Variants in COL18A1 observed in about 807,000 individuals in gnomAD.
COL18A1 encodes collagen alpha-1(XVIII) chain.
A neutral mutation model predicts 168.0 loss-of-function variants in COL18A1; 133 were observed. The observed-to-expected ratio is 0.79, with a 90% confidence interval of 0.69 to 0.91. COL18A1 has a LOEUF of 0.91. Ranked by LOEUF, COL18A1 falls within the 40% of genes least tolerant of loss-of-function variation. The probability of loss-of-function intolerance (pLI) is 0.00; values close to 1 mark genes in which losing one functional copy is unlikely to be tolerated. For missense variants in COL18A1, 2,126 were observed against 1,925.4 expected, an observed-to-expected ratio of 1.10 and a Z score of -1.95; for synonymous variants, 949 against 809.0, an observed-to-expected ratio of 1.17 and a Z score of -2.94.
At chr21:45,419,217 G>A (rs749152097) in intron 2 of COL18A1, among the ~76,000 whole-genome samples, 11 of 150,848 alleles carry the variant, frequency 7.3e-5, no homozygotes, top group East Asian at 2.0e-4. Context: ...GTGTGGTGAC[G>A]TGCAGTTCCG....
chr21:45,447,068 C>T (rs746347443), intron 2 of COL18A1, among the ~76,000 whole-genome samples: 2 of 152,170 alleles, frequency 1.3e-5, no homozygotes, highest in Admixed American at 1.3e-4. Context: ...AAGACAAGGA[C>T]GTTCCCTATT....
intron 2 of COL18A1, among the ~76,000 whole-genome samples, chr21:45,429,556 C>T (rs2033898212): frequency 6.6e-6 from 1 of 152,194 alleles, no homozygotes; most frequent in Non-Finnish European, 1.5e-5. Flanking sequence ...TTCCTGTCTC[C>T]TCTTCTCCCC....
At chr21:45,439,316 G>C (rs954778707) in intron 2 of COL18A1, among the ~76,000 whole-genome samples, 5 of 152,228 alleles carry the variant, frequency 3.3e-5, no homozygotes, top group African/African-American at 1.2e-4. Context: ...AGCGCGTTCC[G>C]TTTCGGCTCC....
At chr21:45,455,873 C>A in intron 2 of COL18A1, 1 of 1,613,128 alleles carries the variant, frequency 6.2e-7, no homozygotes. Flanking sequence ...AGCCGAGATC[C>A]TGAACGTGGC....
At chr21:45,504,723 TG>T (rs2037086475) in intron 34 of COL18A1, among the ~76,000 whole-genome samples, 167 bp downstream of exon 34, 1 of 151,932 alleles carries the variant, frequency 6.6e-6, no homozygotes, top group Non-Finnish European at 1.5e-5. Context: ...GCAGGCCACA[TG>T]GGTGTGGGTG....
In COL18A1 at chr21:45,491,224, G is replaced by A; in HGVS notation, c.2068-1G>A. The A allele has an allele frequency of 6.2e-7, 1 of 1,610,912 alleles. No homozygotes were observed. On this transcript the variant is annotated splice_acceptor_variant, in intron 21 of 41. Transcript: ENST00000651438. LOFTEE classifies it high-confidence loss of function. Reference sequence around the variant, plus strand: ...GCCGGACGCGTGGCCTCCTCTTCCAGGGAGATCCAGGGAAGGACGGAGTCG... The same window carrying A: ...GCCGGACGCGTGGCCTCCTCTTCCAAGGAGATCCAGGGAAGGACGGAGTCG...
Position 45,505,451 on chromosome 21 carries a change from G to T in COL18A1, c.3087+20G>T, listed in dbSNP as rs773769675. The T allele has an allele frequency of 7.2e-7, 1 of 1,391,312 alleles. No homozygotes were observed. The highest frequency in any genetic ancestry group is 1.9e-5 in the Admixed American group (1 of 52,272). The allele number at this position is 1,391,312 out of a possible 1,614,324, so 86.2% of individuals were successfully genotyped here. ...TCAGGGGTAAGTGTCTGGGCAGCCG[G>T]CTGGGCACCTGCGTCCCGTGCCCTG... On this transcript the variant is annotated intron_variant, in intron 36 of 41. Coordinates refer to ENST00000651438, the MANE Select transcript of COL18A1 (RefSeq NM_001379500.1).
intron 2 of COL18A1, among the ~76,000 whole-genome samples, chr21:45,466,856 T>C (rs112579742): frequency 0.029 from 4,457 of 152,328 alleles, 235 homozygotes; most frequent in African/African-American, 0.1. Context: ...GGCAGCTGGG[T>C]GGCTGGCACG....
chr21:45,501,530 G>A (rs2036824207), intron 32 of COL18A1, among the ~76,000 whole-genome samples: 1 of 152,164 alleles, frequency 6.6e-6, no homozygotes, highest in African/African-American at 2.4e-5. Flanking sequence ...CAGGAATCCA[G>A]GAGAAGCAGG....
At chr21:45,474,453 A>G (rs78622768) in intron 4 of COL18A1, among the ~76,000 whole-genome samples, 1 of 100,686 alleles carries the variant, frequency 9.9e-6, no homozygotes. Flanking sequence ...CTCTGTGTGT[A>G]GTGTGTCTCT....
At chr21:45,499,720 A>G (rs557577461) in intron 32 of COL18A1, among the ~76,000 whole-genome samples, 37 of 152,320 alleles carry the variant, frequency 2.4e-4, no homozygotes, top group Non-Finnish European at 4.9e-4. Flanking sequence ...TTCTCACTAT[A>G]TTGGACGGTG....
chr21:45,434,184 G>A (rs1387018878), intron 2 of COL18A1, among the ~76,000 whole-genome samples: 1 of 147,574 alleles, frequency 6.8e-6, no homozygotes, highest in East Asian at 2.0e-4. Flanking sequence ...AAACCCAGAG[G>A]CAGTGGCTTC....
chr21:45,503,611 GA>G (rs1428376302), intron 32 of COL18A1, among the ~76,000 whole-genome samples: 1 of 130,862 alleles, frequency 7.6e-6, no homozygotes. Context: ...ACAGGAAGGG[GA>G]ACATCACACT....
intron 2 of COL18A1, among the ~76,000 whole-genome samples, chr21:45,452,534 GTGAT>G (rs1472849435): frequency 6.6e-6 from 1 of 152,190 alleles, no homozygotes; most frequent in Admixed American, 6.5e-5. Flanking sequence ...ATGTACATAT[GTGAT>G]TGTGTATGCA....
rs370000881 is a variant in COL18A1 at position 45,443,273 on chromosome 21, C to T, written c.107-24969C>T. On this transcript the variant is annotated intron_variant, in intron 2 of 41. Coordinates refer to ENST00000651438, the MANE Select transcript of COL18A1 (RefSeq NM_001379500.1). The surrounding 1 kb of genome is among the most constrained non-coding windows in gnomAD (Gnocchi z 5.2). Reference sequence around the variant, plus strand: ...ACCGGCACAAGTGTGGCTGTCACAGCTGGGGTCTGGGTAGGTCTGGCAGCC... The same window carrying T: ...ACCGGCACAAGTGTGGCTGTCACAGTTGGGGTCTGGGTAGGTCTGGCAGCC... 1.6e-3 allele frequency among the ~76,000 whole-genome samples: 251 copies of T among 152,262 alleles called. No homozygotes were observed. The highest frequency in any genetic ancestry group is 5.5e-3 in the African/African-American group (227 of 41,538).
chr21:45,512,257 G>C lies in COL18A1; in HGVS notation c.3879G>C (p.Thr1293=), dbSNP rs575466180. The C allele has an allele frequency of 6.2e-7, 1 of 1,611,966 alleles. No individual in the cohort carries two copies. Among genetic ancestry groups the C allele is most frequent in the South Asian group, 1.1e-5 (1 of 90,988 alleles). Residue 1293 remains threonine (T), a synonymous_variant, in exon 42 of 42, where the codon ACG becomes ACC. Transcript: ENST00000651438. ...GGCTGACCGAGAGCTACTGTGAGAC[G>C]TGGCGGACGGAGGCTCCCTCGGCCA... ...GRRLTESYCE[T]WRTEAPSATG...
chr21:45,464,050 G>A, intron 2 of COL18A1, among the ~76,000 whole-genome samples: 1 of 152,230 alleles, frequency 6.6e-6, no homozygotes, highest in East Asian at 1.9e-4. Context: ...TCAGAGGCTG[G>A]AGCTTTGAGA....
intron 2 of COL18A1, among the ~76,000 whole-genome samples, chr21:45,428,916 T>A (rs369351470): frequency 6.8e-6 from 1 of 146,622 alleles, no homozygotes; most frequent in African/African-American, 2.5e-5. Context: ...TTTTTTTTTT[T>A]AATTTGAGAC....
chr21:45,487,074 C>T, intron 16 of COL18A1, 82 bp downstream of exon 16: 5 of 1,312,810 alleles, frequency 3.8e-6, no homozygotes, highest in Non-Finnish European at 4.1e-6. Context: ...ATCTCACTCA[C>T]AGAGCAGCAC....
Sources: allele counts gnomAD v4.1 joint callset (sites outside exome capture counted in the v4.1 genomes callset), GRCh38; gene constraint gnomAD v4.1.1; non-coding constraint Gnocchi (gnomAD v3.1); transcripts MANE v1.5; gene names NCBI Gene and HGNC (gene_info 2026-07-23, HGNC 2026-07-21).